The following CDHR3 variants were observed in gnomAD, a reference collection of about 807,000 sequenced individuals.
CDHR3 encodes cadherin related family member 3, also known as cadherin-related family member 3.
In CDHR3, 79 loss-of-function variants were observed where a neutral mutation model predicts 86.6. The ratio of observed to expected loss-of-function variants is 0.91; its 90% CI spans 0.76 to 1.10. The LOEUF is 1.10. CDHR3 is among the 50% of genes least tolerant of loss of function. The probability of loss-of-function intolerance (pLI) is 0.00; values close to 1 mark genes in which losing one functional copy is unlikely to be tolerated. For synonymous variants in CDHR3, 421 were observed against 402.4 expected, an observed-to-expected ratio of 1.05 and a Z score of -0.55; for missense variants, 1,081 against 1,077.6, an observed-to-expected ratio of 1.00 and a Z score of -0.04.
At chr7:106,010,260 T>TC (rs924572259) in intron 8 of CDHR3, among the ~76,000 whole-genome samples, 2 of 152,176 alleles carry the variant, frequency 1.3e-5, no homozygotes, top group African/African-American at 4.8e-5. Context: ...TCTGGATACA[T>TC]CCACTTTCCT....
chr7:105,967,764 T>C (rs1827208965), intron 1 of CDHR3, among the ~76,000 whole-genome samples: 1 of 152,246 alleles, frequency 6.6e-6, no homozygotes, highest in Admixed American at 6.5e-5. Context: ...TTTTGAGAAG[T>C]GTCTGTTCAT....
Position 106,001,967 on chromosome 7 carries a change from T to C in CDHR3, c.862+357T>C, listed in dbSNP as rs182601572. 4.2e-3 allele frequency among the ~76,000 whole-genome samples: 646 copies of C among 152,348 alleles called. 6 individuals carry two copies. The highest frequency in any genetic ancestry group is 4.6e-3 in the Non-Finnish European group (312 of 68,034). On this transcript the variant is annotated intron_variant, in intron 7 of 18. Coordinates refer to ENST00000317716, the MANE Select transcript of CDHR3 (RefSeq NM_152750.5). ...TATTTTAAATCCTCAGTTGGTTGAA[T>C]CTGAGGATGCAGAACCCATGGATAC...
At position 106,033,519 on chromosome 7, in the gene CDHR3, A is replaced by T. The variant is rs887253387; in HGVS notation, c.*822A>T. The T allele has an allele frequency of 2.0e-5, 3 of 152,230 alleles. No individual in the cohort carries two copies. Among genetic ancestry groups the T allele is most frequent in the Non-Finnish European group, 4.4e-5 (3 of 68,044 alleles). The allele number at this position is 152,230 out of a possible 1,614,324, so 9.4% of individuals were successfully genotyped here. On this transcript the variant is annotated 3_prime_UTR_variant, in exon 19 of 19. Coordinates refer to ENST00000317716, the MANE Select transcript of CDHR3 (RefSeq NM_152750.5). ...AGCACTTTGCCAAGGTGGGCAGATC[A>T]CCTAAGGTCAGGAGTTCAAGATCAG...
At position 105,983,316 on chromosome 7, in the gene CDHR3, G is replaced by A. The variant is rs138219859; in HGVS notation, c.416-876G>A. On this transcript the variant is annotated intron_variant, in intron 3 of 18. Transcript: ENST00000317716. ...AGTGAATGAAAGCTCAAGCTCAGAT[G>A]TAAGGCATCTGGATTTTAATTTCGA... 7.0e-3 allele frequency among the ~76,000 whole-genome samples: 1,065 copies of A among 152,292 alleles called. 6 individuals are homozygous for A. The highest frequency in any genetic ancestry group is 0.024 in the African/African-American group (1,013 of 41,556).
chr7:106,020,064 T>C (rs1467185799), intron 12 of CDHR3, among the ~76,000 whole-genome samples: 2 of 152,092 alleles, frequency 1.3e-5, no homozygotes, highest in African/African-American at 2.4e-5. Flanking sequence ...GGGGGCAAGG[T>C]ATACATACAC....
intron 1 of CDHR3, among the ~76,000 whole-genome samples, chr7:105,971,537 G>T (rs938325281): frequency 6.6e-6 from 1 of 152,212 alleles, no homozygotes; most frequent in African/African-American, 2.4e-5. Flanking sequence ...GGAGTCAGAT[G>T]CCTAGGATTG....
chr7:106,012,720 C>T, intron 8 of CDHR3, 140 bp from the exon 9 acceptor site: 1 of 856,016 alleles, frequency 1.2e-6, no homozygotes, highest in East Asian at 2.7e-5. Flanking sequence ...TCAGGGAGAC[C>T]AGTTAGGAGG....
intron 1 of CDHR3, among the ~76,000 whole-genome samples, chr7:105,969,109 A>G (rs1827475596): frequency 1.5e-5 from 2 of 133,256 alleles, no homozygotes; most frequent in Non-Finnish European, 3.2e-5. Context: ...AAAAATAAAA[A>G]AAGTGGGCCG....
intron 4 of CDHR3, among the ~76,000 whole-genome samples, chr7:105,992,276 A>C (rs1286072799): frequency 2.0e-5 from 3 of 152,208 alleles, no homozygotes; most frequent in Non-Finnish European, 4.4e-5. Context: ...TACATACAGT[A>C]AATCTCCTCC....
At chr7:105,980,820 C>A in intron 2 of CDHR3, 148 bp from the exon 3 acceptor site, 1 of 715,442 alleles carries the variant, frequency 1.4e-6, no homozygotes, top group Non-Finnish European at 2.3e-6. Context: ...AGGACTAAGG[C>A]AAAACAACTG....
At chr7:105,972,360 A>G (rs2727758) in intron 1 of CDHR3, among the ~76,000 whole-genome samples, 14,923 of 152,140 alleles carry the variant, frequency 0.098, 1,125 homozygotes, top group East Asian at 0.39. Flanking sequence ...TGAGAAAAAC[A>G]TAGCAAGTTC....
intron 11 of CDHR3, among the ~76,000 whole-genome samples, chr7:106,017,564 G>GACACACACACACACACAC (rs539661927): frequency 3.8e-5 from 5 of 130,640 alleles, no homozygotes; most frequent in East Asian, 2.3e-4. Flanking sequence ...GTCACACACA[G>GACACACACACACACACAC]ACACACACAC....
intron 6 of CDHR3, 94 bp from the exon 7 acceptor site, chr7:106,001,368 C>T: frequency 2.2e-6 from 3 of 1,361,110 alleles, no homozygotes; most frequent in Non-Finnish European, 3.1e-6. Context: ...AACAGCTCTG[C>T]ACTATATTTA....
At chr7:105,965,567 A>ACCCCCCCCCCC (rs56177648) in intron 1 of CDHR3, among the ~76,000 whole-genome samples, 3 of 78,262 alleles carry the variant, frequency 3.8e-5, no homozygotes, top group Non-Finnish European at 8.1e-5. Flanking sequence ...CTCAAGCCCC[A>ACCCCCCCCCCC]CCCCCCCCCA....
chr7:105,967,796 G>A (rs1827218190), intron 1 of CDHR3, among the ~76,000 whole-genome samples: 1 of 152,128 alleles, frequency 6.6e-6, no homozygotes, highest in Admixed American at 6.5e-5. Context: ...ACTTTTTGAT[G>A]GAGTTGTTTG....
At chr7:106,028,171 A>T in intron 16 of CDHR3, among the ~76,000 whole-genome samples, 1 of 124,598 alleles carries the variant, frequency 8.0e-6, no homozygotes, top group Non-Finnish European at 1.8e-5. Context: ...ATAAAATAAA[A>T]TAAAATAAAA....
intron 16 of CDHR3, 44 bp from the exon 17 acceptor site, chr7:106,028,507 T>G (rs766236704): frequency 2.5e-6 from 4 of 1,612,912 alleles, no homozygotes; most frequent in South Asian, 1.1e-5. Context: ...AAGGTCAATT[T>G]ACCACCCAAG....
In CDHR3 at chr7:106,030,592, G is replaced by T. The variant is rs1403080757; in HGVS notation, c.2305-200G>T. 6.6e-6 allele frequency among the ~76,000 whole-genome samples: 1 copy of T among 152,162 alleles called. No homozygotes were observed. The highest frequency in any genetic ancestry group is 1.5e-5 in the Non-Finnish European group (1 of 68,034). ...TTACTCTGCATTGCAGCACCTGTTTGTAATTGGCAAGCTTTGTACAGGCAG... is the reference window on the plus strand; with the variant it reads ...TTACTCTGCATTGCAGCACCTGTTTTTAATTGGCAAGCTTTGTACAGGCAG... On this transcript the variant is annotated intron_variant, in intron 17 of 18. Transcript: ENST00000317716. The surrounding 1 kb of genome is among the most constrained non-coding windows in gnomAD (Gnocchi z 4.8).
chr7:106,000,271 G>A (rs1832930764), intron 6 of CDHR3, among the ~76,000 whole-genome samples: 1 of 152,234 alleles, frequency 6.6e-6, no homozygotes, highest in African/African-American at 2.4e-5. Context: ...AGTCCACCTT[G>A]TGAATAGATG....
Sources: gnomAD v4.1 joint callset for allele counts (sites outside exome capture counted in the v4.1 genomes callset) on GRCh38, gnomAD v4.1.1 for gene constraint, Gnocchi (gnomAD v3.1) non-coding constraint, MANE v1.5 for transcripts, NCBI Gene and HGNC (gene_info 2026-07-23, HGNC 2026-07-21) for gene names.